The following PIK3C2G variants were observed in gnomAD, a reference collection of about 807,000 sequenced individuals.
The protein encoded by PIK3C2G is phosphatidylinositol-4-phosphate 3-kinase catalytic subunit type 2 gamma, also known as phosphatidylinositol 3-kinase C2 domain-containing subunit gamma.
A neutral mutation model predicts 181.1 loss-of-function variants in PIK3C2G; 168 were observed. The observed-to-expected ratio is 0.93, with a 90% CI of 0.82 to 1.05. PIK3C2G has a LOEUF of 1.05. Among genes scored for constraint, PIK3C2G ranks in the 50% least tolerant of loss-of-function variants. The pLI, the probability that PIK3C2G is intolerant of heterozygous loss-of-function variation, is 0.00. For synonymous variants in PIK3C2G, 573 were observed against 592.2 expected (o/e 0.97, Z 0.47); for missense variants, 1,869 against 1,732.8 (o/e 1.08, Z -1.40).
the PIK3C2G span, among the ~76,000 whole-genome samples, chr12:18,656,316 G>A: frequency 3.9e-5 from 6 of 151,944 alleles, no homozygotes; most frequent in Non-Finnish European, 8.8e-5. Context: ...AGTGGGTCAC[G>A]CCTGTAATCC....
intron 1 of PIK3C2G, among the ~76,000 whole-genome samples, chr12:18,274,009 C>T (rs1948864413): frequency 6.6e-6 from 1 of 152,134 alleles, no homozygotes; most frequent in Non-Finnish European, 1.5e-5. Context: ...ACAGACACTT[C>T]TTGAAAGAAG....
chr12:18,548,670 A>G (rs1266758553), intron 26 of PIK3C2G, among the ~76,000 whole-genome samples: 1 of 152,016 alleles, frequency 6.6e-6, no homozygotes, highest in Non-Finnish European at 1.5e-5. Context: ...TGCCAGGCCA[A>G]TCTTCCCACT....
chr12:18,375,908 G>A (rs1189073287), intron 13 of PIK3C2G, among the ~76,000 whole-genome samples: 2 of 152,236 alleles, frequency 1.3e-5, no homozygotes, highest in Admixed American at 6.5e-5. Flanking sequence ...ATCCTTGGCA[G>A]CTTCCACAAG....
At chr12:18,298,898 A>T (rs1414281023) in intron 5 of PIK3C2G, among the ~76,000 whole-genome samples, 1 of 151,746 alleles carries the variant, frequency 6.6e-6, no homozygotes, top group African/African-American at 2.4e-5. Context: ...ATTCTGTTCC[A>T]TTAGCCTATG....
chr12:18,662,202 A>T, the PIK3C2G span, among the ~76,000 whole-genome samples: 15,957 of 152,124 alleles, frequency 0.1, 1,066 homozygotes, highest in African/African-American at 0.19. Flanking sequence ...CTACCTAAAT[A>T]GCATAGGCAC....
intron 14 of PIK3C2G, among the ~76,000 whole-genome samples, chr12:18,382,402 G>T (rs545245277): frequency 2.6e-3 from 401 of 152,212 alleles, no homozygotes; most frequent in Non-Finnish European, 5.0e-3. Context: ...GGTGGTAAAT[G>T]ACTTCAGCCT....
At chr12:18,331,691 T>C (rs1937988672) in intron 8 of PIK3C2G, among the ~76,000 whole-genome samples, 1 of 152,094 alleles carries the variant, frequency 6.6e-6, no homozygotes, top group South Asian at 2.1e-4. Context: ...GAGTCTCCAA[T>C]AGGATTTTAC....
intron 18 of PIK3C2G, among the ~76,000 whole-genome samples, chr12:18,474,829 C>A (rs561145486): frequency 5.3e-5 from 8 of 152,072 alleles, no homozygotes; most frequent in African/African-American, 1.4e-4. Context: ...TGAGTTAATG[C>A]CATTTTCTAA....
At chr12:18,251,599 T>A (rs1257998551) in intron 1 of PIK3C2G, among the ~76,000 whole-genome samples, 1 of 152,066 alleles carries the variant, frequency 6.6e-6, no homozygotes, top group Admixed American at 6.6e-5. Context: ...TTAAAATATC[T>A]GTTGAAATGG....
intron 5 of PIK3C2G, among the ~76,000 whole-genome samples, chr12:18,304,363 TCTC>T (rs1950331376): frequency 6.6e-6 from 1 of 152,050 alleles, no homozygotes; most frequent in Non-Finnish European, 1.5e-5. Flanking sequence ...TTCAAGCAAT[TCTC>T]CTGCCTCAGC....
chr12:18,305,993 C>G (rs1192291786), intron 5 of PIK3C2G, among the ~76,000 whole-genome samples: 1 of 149,034 alleles, frequency 6.7e-6, no homozygotes, highest in East Asian at 2.0e-4. Flanking sequence ...TACTACTTGT[C>G]TTTTGTGACT....
chr12:18,468,212 A>G (rs1027862849), intron 18 of PIK3C2G, among the ~76,000 whole-genome samples: 5 of 151,886 alleles, frequency 3.3e-5, no homozygotes, highest in African/African-American at 1.2e-4. Flanking sequence ...TTCTGGAGTT[A>G]GTCTGCAATT....
At chr12:18,566,205 T>A (rs1193164986) in intron 28 of PIK3C2G, among the ~76,000 whole-genome samples, 4 of 152,152 alleles carry the variant, frequency 2.6e-5, no homozygotes, top group African/African-American at 9.7e-5. Context: ...TCCTTTACTA[T>A]CCTCCATGTT....
chr12:18,684,910 T>C, the PIK3C2G span, among the ~76,000 whole-genome samples: 1 of 151,900 alleles, frequency 6.6e-6, no homozygotes, highest in Non-Finnish European at 1.5e-5. Context: ...TAAGGCAGTT[T>C]TCCCCACTCT....
the PIK3C2G span, among the ~76,000 whole-genome samples, chr12:18,725,262 G>A: frequency 0.84 from 127,256 of 152,108 alleles, 53,989 homozygotes; most frequent in East Asian, 0.99. Context: ...AAAGCAGGAC[G>A]TGGTAGCATC....
At chr12:18,397,799 A>C (rs2138105586) in intron 15 of PIK3C2G, among the ~76,000 whole-genome samples, 1 of 152,256 alleles carries the variant, frequency 6.6e-6, no homozygotes, top group South Asian at 2.1e-4. Flanking sequence ...AAATACATTC[A>C]TATAAAAACT....
upstream of PIK3C2G, among the ~76,000 whole-genome samples, chr12:18,247,146 G>C (rs1170461262): frequency 6.6e-6 from 1 of 152,134 alleles, no homozygotes; most frequent in Non-Finnish European, 1.5e-5. Flanking sequence ...TTCCTAAATA[G>C]AATTTTTGGA....
At chr12:18,467,686 G>A (rs1205544824) in intron 18 of PIK3C2G, among the ~76,000 whole-genome samples, 2 of 151,938 alleles carry the variant, frequency 1.3e-5, no homozygotes, top group African/African-American at 4.8e-5. Flanking sequence ...GAAGGGGTAA[G>A]AGAAGAGAGC....
rs568482047 is a variant in PIK3C2G, at chr12:18,275,185, C to A, written c.-78-6819C>A. On this transcript the variant is annotated intron_variant, in intron 1 of 32. Transcript: ENST00000538779. ...TATCTAAAATATATCACATTATTTG[C>A]TTCTGTCACAAGGTGTTGCTGCCAA... Among the ~76,000 whole-genome samples, 17 of 152,224 alleles carry A rather than the reference C, an allele frequency of 1.1e-4. No individual in the cohort carries two copies. In the East Asian group the frequency reaches 1.2e-3, roughly 10 times the overall value.
Sources: gnomAD v4.1 joint callset for allele counts (sites outside exome capture counted in the v4.1 genomes callset) on GRCh38, gnomAD v4.1.1 for gene constraint, MANE v1.5 for transcripts, NCBI Gene and HGNC (gene_info 2026-07-23, HGNC 2026-07-21) for gene names.